The following DNM3 variants were observed in gnomAD, a reference collection of about 807,000 sequenced individuals.
DNM3 encodes the protein dynamin 3.
In DNM3, 47 loss-of-function variants were observed where a neutral mutation model predicts 101.6. The ratio of observed to expected loss-of-function variants is 0.46; its 90% CI spans 0.37 to 0.59. DNM3 has a LOEUF of 0.59. DNM3 is among the 20% of genes least tolerant of loss of function. The pLI is 0.00. For synonymous variants in DNM3, 385 were observed against 387.9 expected, an observed-to-expected ratio of 0.99 and a Z score of 0.09; for missense variants, 849 against 1,085.7, an observed-to-expected ratio of 0.78 and a Z score of 3.06.
chr1:171,975,019 GAA>G (rs2044270262), intron 2 of DNM3, among the ~76,000 whole-genome samples: 2 of 151,414 alleles, frequency 1.3e-5, no homozygotes, highest in African/African-American at 4.8e-5. Context: ...CCTAGCTAAT[GAA>G]AAAAAGATTT....
intron 6 of DNM3, among the ~76,000 whole-genome samples, chr1:172,037,211 C>T (rs1389933004): frequency 6.6e-6 from 1 of 152,170 alleles, no homozygotes; most frequent in Non-Finnish European, 1.5e-5. Flanking sequence ...ACTAGTTCAA[C>T]CCTTGTGGAA....
intron 14 of DNM3, among the ~76,000 whole-genome samples, chr1:172,182,398 T>G (rs900890293): frequency 2.0e-5 from 3 of 152,094 alleles, no homozygotes; most frequent in African/African-American, 7.2e-5. Flanking sequence ...CAGGTTGATG[T>G]CTAACCATCA....
chr1:172,317,342 A>C (rs1472957611), intron 16 of DNM3, among the ~76,000 whole-genome samples: 1 of 151,896 alleles, frequency 6.6e-6, no homozygotes, highest in Non-Finnish European at 1.5e-5. Flanking sequence ...GAAAAGCAAG[A>C]GCAAACACAT....
chr1:172,288,139 C>T (rs1389454825), intron 15 of DNM3, among the ~76,000 whole-genome samples: 2 of 152,186 alleles, frequency 1.3e-5, no homozygotes, highest in Non-Finnish European at 2.9e-5. Flanking sequence ...ATGGAATTCA[C>T]AGTATAGTGA....
chr1:172,413,393 A>AT (rs936163186), downstream of DNM3, among the ~76,000 whole-genome samples: 3 of 151,794 alleles, frequency 2.0e-5, no homozygotes, highest in South Asian at 2.1e-4. Flanking sequence ...CGCCCGGCTA[A>AT]TTTTTTTTGT....
chr1:171,934,419 T>C (rs1372849921), intron 2 of DNM3, among the ~76,000 whole-genome samples: 1 of 152,240 alleles, frequency 6.6e-6, no homozygotes, highest in African/African-American at 2.4e-5. Flanking sequence ...TGTCTCTGTA[T>C]ACATTTATTA....
At chr1:172,151,031 G>A (rs74747917) in intron 14 of DNM3, among the ~76,000 whole-genome samples, 3,386 of 152,218 alleles carry the variant, frequency 0.022, 121 homozygotes, top group African/African-American at 0.076. Flanking sequence ...GCAATTGTGT[G>A]TACAAATGTA....
chr1:171,993,351 G>A (rs1457906519), intron 4 of DNM3, among the ~76,000 whole-genome samples: 1 of 151,862 alleles, frequency 6.6e-6, no homozygotes, highest in Non-Finnish European at 1.5e-5. Flanking sequence ...AATTTTGAAG[G>A]ATAATTTTTA....
intron 15 of DNM3, chr1:172,289,648 C>T (rs1393681045): frequency 2.0e-6 from 2 of 982,700 alleles, no homozygotes; most frequent in African/African-American, 3.5e-5. Flanking sequence ...TTAATGCTGA[C>T]AATCTATTTT....
At chr1:171,952,402 G>T (rs1201849339) in intron 2 of DNM3, among the ~76,000 whole-genome samples, 1 of 152,124 alleles carries the variant, frequency 6.6e-6, no homozygotes, top group East Asian at 1.9e-4. Flanking sequence ...GTATCTTATT[G>T]CCACAAAGAG....
In DNM3 at chr1:172,032,499, G is replaced by A; in HGVS notation, c.687G>A (p.Arg229=). The A allele has an allele frequency of 1.9e-6, 3 of 1,559,558 alleles. No homozygotes were observed. Among genetic ancestry groups the A allele is most frequent in the Non-Finnish European group, 2.6e-6 (3 of 1,133,636 alleles). Residue 229 remains arginine, a splice_region_variant and synonymous_variant, in exon 5 of 21, where the codon AGG becomes AGA. Coordinates refer to ENST00000627582, the MANE Select transcript of DNM3 (RefSeq NM_015569.5). ...AGAACAAACTGTTGCCTCTTCGCAG[G>A]GGTAATGTACTGTGGTCTATACAAG... ...VLENKLLPLR[R]GYVGVVNRSQ...
chr1:172,102,455 T>C (rs1007804943), intron 13 of DNM3, among the ~76,000 whole-genome samples: 1 of 152,204 alleles, frequency 6.6e-6, no homozygotes, highest in African/African-American at 2.4e-5. Context: ...TGGAATAGTA[T>C]TTAATGTATG....
intron 8 of DNM3, among the ~76,000 whole-genome samples, chr1:172,043,392 A>G (rs1202786341): frequency 1.3e-5 from 2 of 152,180 alleles, no homozygotes; most frequent in Non-Finnish European, 1.5e-5. Context: ...TTTAGGGACC[A>G]TGCTACTTGT....
chr1:172,081,796 T>A (rs1266231035), intron 11 of DNM3, 36 bp from the exon 12 acceptor site: 1 of 1,549,518 alleles, frequency 6.5e-7, no homozygotes, highest in Non-Finnish European at 8.8e-7. Flanking sequence ...AATTTTTAGA[T>A]GGGTTTTCAC....
chr1:172,057,650 AT>A (rs2050755961), intron 10 of DNM3, among the ~76,000 whole-genome samples: 1 of 151,682 alleles, frequency 6.6e-6, no homozygotes, highest in Non-Finnish European at 1.5e-5. Flanking sequence ...ATGCTGAGAG[AT>A]TTTGTCACCA....
Position 172,411,400 on chromosome 1 carries a change from T to C in DNM3, c.*3559T>C. ...TAAGAAGGAATTACCTTTGACAATA[T>C]TTTTCGGTAAGAAGTAAAACCTCTG... On this transcript the variant is annotated 3_prime_UTR_variant, in exon 21 of 21. Transcript: ENST00000627582. 1.0e-6 allele frequency: 1 copy of C among 985,052 alleles called. No individual in the cohort carries two copies. The highest frequency in any genetic ancestry group is 5.2e-4 in the Middle Eastern group (1 of 1,914). 61.0% of individuals were successfully genotyped at this position (985,052 alleles called of 1,614,324 possible).
chr1:172,237,400 T>C (rs527979771), intron 14 of DNM3, among the ~76,000 whole-genome samples: 12 of 152,266 alleles, frequency 7.9e-5, no homozygotes, highest in Non-Finnish European at 1.6e-4. Context: ...TCCCAGGTTC[T>C]GAGGGCCAGA....
At chr1:171,945,152 G>A (rs1295201144) in intron 2 of DNM3, among the ~76,000 whole-genome samples, 1 of 152,042 alleles carries the variant, frequency 6.6e-6, no homozygotes, top group Non-Finnish European at 1.5e-5. Context: ...TCACAGGTAT[G>A]AGCTACTGTG....
intron 9 of DNM3, 79 bp downstream of exon 9, chr1:172,044,531 GTCTTTT>G (rs1454398483): frequency 8.1e-7 from 1 of 1,237,672 alleles, no homozygotes; most frequent in Non-Finnish European, 1.1e-6. Flanking sequence ...TAGGAAACTC[GTCTTTT>G]CATCATTGAA....
Sources: gnomAD v4.1 joint callset for allele counts (sites outside exome capture counted in the v4.1 genomes callset) on GRCh38, gnomAD v4.1.1 for gene constraint, MANE v1.5 for transcripts, NCBI Gene and HGNC (gene_info 2026-07-23, HGNC 2026-07-21) for gene names.